CHRNA7: variants seen among roughly 807,000 people sequenced by gnomAD.
CHRNA7 encodes the protein cholinergic receptor nicotinic alpha 7 subunit, also known as neuronal acetylcholine receptor subunit alpha-7.
Under a neutral mutation model 48.0 loss-of-function variants are expected in CHRNA7, and 17 were observed. That is an observed-to-expected ratio of 0.35 (90% CI 0.24 to 0.53). The LOEUF is 0.53. Among genes scored for constraint, CHRNA7 ranks in the 20% least tolerant of loss-of-function variants. The pLI is 0.92. For missense variants in CHRNA7, 155 were observed against 577.7 expected, an observed-to-expected ratio of 0.27 and a Z score of 7.50; for synonymous variants, 75 against 242.3, an observed-to-expected ratio of 0.31 and a Z score of 6.41.
intron 2 of CHRNA7, among the ~76,000 whole-genome samples, chr15:32,094,059 A>C (rs1264012979): frequency 6.6e-6 from 1 of 152,120 alleles, no homozygotes; most frequent in Non-Finnish European, 1.5e-5. Flanking sequence ...AGCATAATGC[A>C]TTTCCTCTGT....
Position 32,149,529 on chromosome 15 carries a change from T to C in CHRNA7, c.351-4378T>C, listed in dbSNP as rs2051575707. The stretch of plus-strand genomic sequence containing the variant: ...CTCATCTTATCTCCACCCCTAATGC[T>C]CAAAACAGATAAAGTAGTATTAGCA... On this transcript the variant is annotated intron_variant, in intron 4 of 9. Coordinates refer to ENST00000306901, the MANE Select transcript of CHRNA7 (RefSeq NM_000746.6). The surrounding 1 kb of genome is among the most constrained non-coding windows in gnomAD (Gnocchi z 4.6). 6.6e-6 allele frequency among the ~76,000 whole-genome samples: 1 copy of C among 152,176 alleles called. No homozygotes were observed. Among genetic ancestry groups the C allele is most frequent in the South Asian group, 2.1e-4 (1 of 4,832 alleles).
chr15:32,049,902 A>T (rs1303871553), intron 2 of CHRNA7, among the ~76,000 whole-genome samples: 1 of 152,016 alleles, frequency 6.6e-6, no homozygotes, highest in African/African-American at 2.4e-5. Context: ...TCCTTCACTT[A>T]TGAAGCTTAG....
chr15:32,096,462 A>G (rs1199127507), intron 2 of CHRNA7, among the ~76,000 whole-genome samples: 2 of 152,198 alleles, frequency 1.3e-5, no homozygotes, highest in Admixed American at 6.5e-5. Flanking sequence ...AGAAAAAAAT[A>G]TGGTTGGTGT....
intron 4 of CHRNA7, among the ~76,000 whole-genome samples, chr15:32,140,432 T>C (rs1265088904): frequency 1.3e-5 from 2 of 152,232 alleles, no homozygotes; most frequent in East Asian, 3.8e-4. Context: ...TTTGGGTATA[T>C]ACCCAGTAAT....
At position 32,098,136 on chromosome 15, in the gene CHRNA7, G is replaced by T. The variant is rs1474426390; in HGVS notation, c.196-3167G>T. Among the ~76,000 whole-genome samples, 3 of 152,206 alleles carry T rather than the reference G, an allele frequency of 2.0e-5. 1 individual carries two copies. Among genetic ancestry groups the T allele is most frequent in the Admixed American group, 2.0e-4 (3 of 15,278 alleles). On this transcript the variant is annotated intron_variant, in intron 2 of 9. Coordinates refer to ENST00000306901, the MANE Select transcript of CHRNA7 (RefSeq NM_000746.6). The stretch of plus-strand genomic sequence containing the variant: ...AGGTCTCCCAGTTCACCTGCAGCCT[G>T]TGTGGCCAAGTACAAATCCCGAGGC...
At chr15:32,110,402 C>G (rs2050744088) in intron 3 of CHRNA7, among the ~76,000 whole-genome samples, 1 of 152,354 alleles carries the variant, frequency 6.6e-6, no homozygotes, top group East Asian at 1.9e-4. Context: ...AGCTGTCGAT[C>G]CTGAATGCCC....
intron 5 of CHRNA7, chr15:32,156,687 C>T (rs2051744977): frequency 2.1e-5 from 2 of 94,068 alleles, no homozygotes; most frequent in South Asian, 6.9e-4. Flanking sequence ...AGCGGAAACT[C>T]TTCCTTCAAG....
Position 32,093,187 on chromosome 15 carries a change from TCTC to T in CHRNA7, c.196-8112_196-8110del, listed in dbSNP as rs375479556. ...GAAACCCAGCATCTCTCTTCCTCTT[TCTC>T]CTCTACTCCACAATCTTCCTATCAC... is the stretch of plus-strand genomic sequence containing the variant. On this transcript the variant is annotated intron_variant, in intron 2 of 9. Transcript: ENST00000306901. Among the ~76,000 whole-genome samples the T allele has an allele frequency of 5.9e-3, 892 of 152,248 alleles. 9 individuals are homozygous for T. The highest frequency in any genetic ancestry group is 0.021 in the African/African-American group (852 of 41,546).
chr15:32,045,682 T>A (rs560761389), intron 2 of CHRNA7, among the ~76,000 whole-genome samples: 2 of 151,996 alleles, frequency 1.3e-5, no homozygotes, highest in African/African-American at 2.4e-5. Flanking sequence ...TATTTTTTTT[T>A]AATATTTTAA....
At chr15:32,125,812 TGTGAAAGA>T (rs1264267760) in intron 4 of CHRNA7, among the ~76,000 whole-genome samples, 1 of 152,126 alleles carries the variant, frequency 6.6e-6, no homozygotes, top group African/African-American at 2.4e-5. Flanking sequence ...CTGGATCACT[TGTGAAAGA>T]CTCTGTCCTG....
chr15:32,078,662 C>CAAA (rs71113442), intron 2 of CHRNA7, among the ~76,000 whole-genome samples: 1,616 of 99,356 alleles, frequency 0.016, 41 homozygotes, highest in Non-Finnish European at 0.024. Flanking sequence ...GCCTACCAAC[C>CAAA]AAAAAAAAAA....
At chr15:32,031,748 A>G (rs1432376077) in intron 2 of CHRNA7, among the ~76,000 whole-genome samples, 3 of 152,192 alleles carry the variant, frequency 2.0e-5, no homozygotes, top group Non-Finnish European at 4.4e-5. Context: ...AAACTTGCCT[A>G]TTGTTCCTCT....
chr15:32,127,827 G>C (rs1028938029), intron 4 of CHRNA7, among the ~76,000 whole-genome samples: 2 of 152,002 alleles, frequency 1.3e-5, no homozygotes, highest in African/African-American at 4.8e-5. Flanking sequence ...TTACAGTGAA[G>C]TTTTTTATCA....
At chr15:32,050,840 CTGTT>C (rs970505990) in intron 2 of CHRNA7, among the ~76,000 whole-genome samples, 7 of 152,136 alleles carry the variant, frequency 4.6e-5, no homozygotes, top group African/African-American at 1.2e-4. Flanking sequence ...GATGTCCTGT[CTGTT>C]TGTTAGTTTT....
At chr15:32,151,117 CT>C (rs1398036984) in intron 4 of CHRNA7, among the ~76,000 whole-genome samples, 1 of 151,918 alleles carries the variant, frequency 6.6e-6, no homozygotes, top group Non-Finnish European at 1.5e-5. Flanking sequence ...ACAATTACTA[CT>C]TTTTTCCTAG....
rs1287180293 is a variant in CHRNA7, at chr15:32,114,089, T to TACAC, written c.350+2198_350+2201dup. ...ATATATATATATACACATACATACATACACACACACATATACACACACACA... is the reference window on the plus strand; with the variant it reads ...ATATATATATATACACATACATACATACACACACACACACATATACACACACACA... On this transcript the variant is annotated intron_variant, in intron 4 of 9. Coordinates refer to ENST00000306901, the MANE Select transcript of CHRNA7 (RefSeq NM_000746.6). 9.5e-5 allele frequency among the ~76,000 whole-genome samples: 13 copies of TACAC among 137,216 alleles called. No individual in the cohort carries two copies. In the Admixed American group the frequency reaches 9.5e-4, roughly 10 times the overall value. 90.0% of individuals were successfully genotyped at this position (137,216 alleles called of 152,430 possible). A position where few individuals can be genotyped will look rare whatever the true frequency, so the allele number is the denominator to read the frequency against.
At chr15:32,084,026 T>G (rs1188513627) in intron 2 of CHRNA7, among the ~76,000 whole-genome samples, 1 of 152,174 alleles carries the variant, frequency 6.6e-6, no homozygotes, top group Non-Finnish European at 1.5e-5. Context: ...AGAGGTATAG[T>G]TTTCCTTGTG....
At chr15:32,144,172 T>G (rs2141344414) in intron 4 of CHRNA7, among the ~76,000 whole-genome samples, 1 of 152,328 alleles carries the variant, frequency 6.6e-6, no homozygotes, top group Middle Eastern at 3.4e-3. Flanking sequence ...TCTCCTTCAC[T>G]TATGAAGCTT....
chr15:32,090,162 T>C (rs2050360548), intron 2 of CHRNA7, among the ~76,000 whole-genome samples: 1 of 152,040 alleles, frequency 6.6e-6, no homozygotes, highest in Non-Finnish European at 1.5e-5. Context: ...GCTTTTTCCC[T>C]TCTTAGGTAA....
Sources: allele counts gnomAD v4.1 joint callset (sites outside exome capture counted in the v4.1 genomes callset), GRCh38; gene constraint gnomAD v4.1.1; non-coding constraint Gnocchi (gnomAD v3.1); transcripts MANE v1.5; gene names NCBI Gene and HGNC (gene_info 2026-07-23, HGNC 2026-07-21).